OBP2B: variants seen among roughly 807,000 people sequenced by gnomAD.
OBP2B encodes odorant binding protein 2B, also known as odorant-binding protein 2b.
OBP2B carries 10 observed loss-of-function variants against 21.7 expected under a neutral mutation model. The ratio of observed to expected loss-of-function variants is 0.46; its 90% confidence interval spans 0.28 to 0.78. The LOEUF (loss-of-function observed/expected upper bound fraction) is 0.78. Among genes scored for constraint, OBP2B ranks in the 30% least tolerant of loss-of-function variants. The pLI is 0.11. For missense variants in OBP2B, 153 were observed against 217.7 expected, an observed-to-expected ratio of 0.70 and a Z score of 1.87; for synonymous variants, 73 against 91.5, an observed-to-expected ratio of 0.80 and a Z score of 1.16.
At chr9:133,222,586 G>T in the OBP2B span, among the ~76,000 whole-genome samples, 2 of 152,128 alleles carry the variant, frequency 1.3e-5, no homozygotes, top group Non-Finnish European at 2.9e-5. Context: ...AAATTAGCCG[G>T]GCGTGGAGGC....
upstream of OBP2B, among the ~76,000 whole-genome samples, chr9:133,210,005 C>T (rs1486797001): frequency 6.6e-6 from 1 of 152,148 alleles, no homozygotes; most frequent in Non-Finnish European, 1.5e-5. Flanking sequence ...TATACATTCC[C>T]CTCTCTCGTC....
At chr9:133,219,524 C>A in the OBP2B span, among the ~76,000 whole-genome samples, 1 of 152,168 alleles carries the variant, frequency 6.6e-6, no homozygotes, top group South Asian at 2.1e-4. Flanking sequence ...TGCTCAATGT[C>A]ATTAGTCATT....
At chr9:133,207,132 T>C in intron 4 of OBP2B, 94 bp downstream of exon 4, 2 of 890,020 alleles carry the variant, frequency 2.2e-6, no homozygotes, top group Non-Finnish European at 1.8e-6. Flanking sequence ...GGGCTTCCTT[T>C]TCCCCCATGC....
the OBP2B span, among the ~76,000 whole-genome samples, chr9:133,221,239 G>A: frequency 0.058 from 8,774 of 152,122 alleles, 366 homozygotes; most frequent in African/African-American, 0.11. Flanking sequence ...GTTTCCTCAC[G>A]GTTTTCTCCT....
the OBP2B span, among the ~76,000 whole-genome samples, chr9:133,218,763 C>CGGA: frequency 6.6e-6 from 1 of 151,922 alleles, no homozygotes; most frequent in Non-Finnish European, 1.5e-5. Flanking sequence ...AGTCAGACGG[C>CGGA]GTGGACGGGA....
At chr9:133,222,477 C>A in the OBP2B span, among the ~76,000 whole-genome samples, 1 of 152,200 alleles carries the variant, frequency 6.6e-6, no homozygotes, top group East Asian at 1.9e-4. Context: ...TCCGTAATCC[C>A]AGCACTTTGG....
chr9:133,205,569 C>G (rs1833677442), intron 6 of OBP2B, 158 bp from the exon 7 acceptor site: 6 of 617,496 alleles, frequency 9.7e-6, no homozygotes. Flanking sequence ...ACTGGGCAGG[C>G]CTCTGAGCAT....
the OBP2B span, among the ~76,000 whole-genome samples, chr9:133,217,404 T>C: frequency 1.3e-5 from 2 of 152,250 alleles, no homozygotes; most frequent in African/African-American, 4.8e-5. Context: ...CCTGGTGCAA[T>C]GCTAAGCTTT....
the OBP2B span, among the ~76,000 whole-genome samples, chr9:133,222,133 G>T: frequency 6.6e-6 from 1 of 152,196 alleles, no homozygotes; most frequent in Non-Finnish European, 1.5e-5. Flanking sequence ...TGCTGAGTGT[G>T]TCAGTGCGTA....
At chr9:133,205,843 G>C in intron 6 of OBP2B, 74 bp downstream of exon 6, 2 of 1,609,418 alleles carry the variant, frequency 1.2e-6, no homozygotes, top group Admixed American at 1.7e-5. Context: ...GGAGGGGCCA[G>C]AGCAGATGTA....
upstream of OBP2B, among the ~76,000 whole-genome samples, chr9:133,211,466 G>A (rs563818606): frequency 9.5e-4 from 145 of 152,288 alleles, no homozygotes; most frequent in African/African-American, 3.3e-3. Flanking sequence ...CCTGGTGCAC[G>A]GACGTATTCA....
intron 3 of OBP2B, chr9:133,207,859 TCC>T: frequency 6.6e-7 from 1 of 1,514,082 alleles, no homozygotes; most frequent in South Asian, 1.2e-5. Flanking sequence ...GGCCTCCTTG[TCC>T]CAATCCTCAG....
the OBP2B span, among the ~76,000 whole-genome samples, chr9:133,223,096 C>A: frequency 6.6e-6 from 1 of 152,200 alleles, no homozygotes; most frequent in Non-Finnish European, 1.5e-5. The surrounding 1 kb of genome is among the most constrained non-coding windows in gnomAD (Gnocchi z 4.4). Context: ...GTATTTAACA[C>A]ATTGGCTTGA....
chr9:133,222,342 C>T, the OBP2B span, among the ~76,000 whole-genome samples: 1 of 152,234 alleles, frequency 6.6e-6, no homozygotes, highest in Non-Finnish European at 1.5e-5. Context: ...CACCCAGCTG[C>T]CCCTTCTTAG....
intron 5 of OBP2B, 43 bp from the exon 6 acceptor site, chr9:133,205,983 G>C: frequency 6.2e-7 from 1 of 1,613,816 alleles, no homozygotes; most frequent in South Asian, 1.1e-5. Context: ...AGGCGCCCTA[G>C]ACCAGGGCCC....
chr9:133,217,886 C>A, the OBP2B span, among the ~76,000 whole-genome samples: 2 of 152,240 alleles, frequency 1.3e-5, no homozygotes, highest in African/African-American at 4.8e-5. Flanking sequence ...CTCGTGCAAT[C>A]CTGAGCCATT....
intron 6 of OBP2B, 77 bp from the exon 7 acceptor site, chr9:133,205,488 G>A (rs1260959369): frequency 4.1e-6 from 4 of 979,578 alleles, no homozygotes; most frequent in Non-Finnish European, 6.0e-6. Context: ...CCCTCCCCAG[G>A]CTCTGCAGCC....
upstream of OBP2B, among the ~76,000 whole-genome samples, chr9:133,209,697 TGA>T (rs1833870705): frequency 6.6e-6 from 1 of 152,138 alleles, no homozygotes; most frequent in Non-Finnish European, 1.5e-5. The surrounding 1 kb of genome is among the most constrained non-coding windows in gnomAD (Gnocchi z 6.0). Flanking sequence ...TGCTGCCAGC[TGA>T]GTCCCGCACG....
In OBP2B at chr9:133,208,484, G is replaced by A. The variant is rs1404721934; in HGVS notation, c.191C>T (p.Ala64Val). Reference sequence around the variant, plus strand: ...CAACACTCACATGAAGGTGAACGTGGCTTCCAACTTCCCACCGCCCAGGGC... The same window carrying A: ...CAACACTCACATGAAGGTGAACGTGACTTCCAACTTCCCACCGCCCAGGGC... ...VTALGGGKLE[A>V]TFTFMREDRC... The change falls in exon 2 of 7, where the codon GCC becomes GTC. Residue 64 changes from alanine (A) to valine (V), a missense_variant. Ala to Val is a moderately conservative substitution (Grantham distance 64). Around this residue, in one of 2 missense-constraint regions of OBP2B, gnomAD observed 151 missense variants for 186.3 expected, o/e 0.81. Coordinates refer to ENST00000372034, the MANE Select transcript of OBP2B (RefSeq NM_014581.4). 2 of 1,613,870 alleles carry A rather than the reference G, an allele frequency of 1.2e-6. No homozygotes were observed. The highest frequency in any genetic ancestry group is 1.7e-6 in the Non-Finnish European group (2 of 1,179,792).
Sources: gnomAD v4.1 joint callset for allele counts (sites outside exome capture counted in the v4.1 genomes callset) on GRCh38, gnomAD v4.1.1 for gene constraint, gnomAD v4.1.1 regional missense constraint, Gnocchi (gnomAD v3.1) non-coding constraint, MANE v1.5 for transcripts, NCBI Gene and HGNC (gene_info 2026-07-23, HGNC 2026-07-21) for gene names.